STAM: variants seen among roughly 807,000 people sequenced by gnomAD.
STAM encodes the protein signal transducing adapter molecule 1.
In STAM, 16 loss-of-function variants were observed where a neutral mutation model predicts 63.4. The observed-to-expected ratio is 0.25, with a 90% CI of 0.17 to 0.38. The LOEUF is 0.38. Ranked by LOEUF, STAM falls within the 10% of genes least tolerant of loss-of-function variation. The pLI, the probability that STAM is intolerant of heterozygous loss-of-function variation, is 1.00. For synonymous variants in STAM, 238 were observed against 223.9 expected, an observed-to-expected ratio of 1.06 and a Z score of -0.56; for missense variants, 636 against 657.1, an observed-to-expected ratio of 0.97 and a Z score of 0.35.
chr10:17,715,267 T>C lies in STAM; in HGVS notation c.*487T>C. Reference sequence around the variant, plus strand: ...GTTTTGTGTAAATTTAAGGTAATTATACTATCCTTTTAAACTTCAAGAAAA... The same window carrying C: ...GTTTTGTGTAAATTTAAGGTAATTACACTATCCTTTTAAACTTCAAGAAAA... On this transcript the variant is annotated 3_prime_UTR_variant, in exon 14 of 14. Coordinates refer to ENST00000377524, the MANE Select transcript of STAM (RefSeq NM_003473.4). 6.0e-6 allele frequency: 1 copy of C among 167,158 alleles called. No individual in the cohort carries two copies. Among genetic ancestry groups the C allele is most frequent in the Admixed American group, 5.5e-5 (1 of 18,136 alleles). 10.4% of individuals were successfully genotyped at this position (167,158 alleles called of 1,614,324 possible).
intron 1 of STAM, among the ~76,000 whole-genome samples, chr10:17,658,435 G>A (rs1554822440): frequency 6.6e-6 from 1 of 152,110 alleles, no homozygotes; most frequent in Non-Finnish European, 1.5e-5. Flanking sequence ...GTCTATAAAT[G>A]TCAATTGTCA....
In STAM at chr10:17,700,208, A is replaced by T. The variant is rs781965771; in HGVS notation, c.841A>T (p.Thr281Ser). 3.7e-6 allele frequency: 6 copies of T among 1,608,186 alleles called. No homozygotes were observed. Among genetic ancestry groups the T allele is most frequent in the Non-Finnish European group, 5.1e-6 (6 of 1,177,606 alleles). Residue 281 changes from threonine (T) to serine (S), a missense_variant, in exon 9 of 14, where the codon ACG (threonine) becomes TCG (serine). Physicochemically the swap from Thr to Ser is moderately conservative, Grantham distance 58. Transcript: ENST00000377524. ...EPEMIKTEKKTVQFSDDVQVE... is the reference protein window; with the variant it reads ...EPEMIKTEKKSVQFSDDVQVE... The stretch of plus-strand genomic sequence containing the variant: ...TCTTACAGTTAAAACAGAGAAGAAG[A>T]CGGTACAATTTAGTGATGATGTTCA...
chr10:17,669,536 C>T (rs1834538405), intron 2 of STAM, among the ~76,000 whole-genome samples: 2 of 151,946 alleles, frequency 1.3e-5, no homozygotes, highest in Non-Finnish European at 2.9e-5. Flanking sequence ...GAGAACATAG[C>T]ATCTCTTTTT....
chr10:17,645,850 A>G (rs1271225443), intron 1 of STAM, among the ~76,000 whole-genome samples: 2 of 152,100 alleles, frequency 1.3e-5, no homozygotes, highest in African/African-American at 2.4e-5. Context: ...TCTAGGGGAA[A>G]TACTTAAAAC....
intron 2 of STAM, chr10:17,673,108 T>A: frequency 1.1e-6 from 1 of 871,932 alleles, no homozygotes; most frequent in Non-Finnish European, 1.4e-6. Flanking sequence ...GGTAGACTCT[T>A]CTAAGTGCAC....
chr10:17,696,401 C>G (rs1554827489), intron 7 of STAM, among the ~76,000 whole-genome samples: 1 of 151,998 alleles, frequency 6.6e-6, no homozygotes, highest in African/African-American at 2.4e-5. Context: ...CCAGAAAGAG[C>G]AATGATTTAG....
chr10:17,655,245 TC>T (rs1833892781), intron 1 of STAM, among the ~76,000 whole-genome samples: 1 of 152,218 alleles, frequency 6.6e-6, no homozygotes, highest in Non-Finnish European at 1.5e-5. Context: ...AGAAGGCTAT[TC>T]CATTTTGCTG....
chr10:17,691,473 T>G (rs561764850), intron 5 of STAM, among the ~76,000 whole-genome samples: 3 of 152,220 alleles, frequency 2.0e-5, no homozygotes, highest in Admixed American at 6.5e-5. Context: ...AGCCAAGATC[T>G]CGCCACTGTA....
chr10:17,699,376 T>C (rs1835893897), intron 8 of STAM, among the ~76,000 whole-genome samples: 3 of 152,226 alleles, frequency 2.0e-5, no homozygotes, highest in African/African-American at 7.2e-5. Context: ...ATGAATTGAT[T>C]GACCACATTG....
rs7902563 is a variant in STAM, at chr10:17,666,662, G to A, written c.125+6114G>A. On this transcript the variant is annotated intron_variant, in intron 2 of 13. Coordinates refer to ENST00000377524, the MANE Select transcript of STAM (RefSeq NM_003473.4). ...TCTGCCCGCCTTGGCCTCCCAAAGC[G>A]CTGGGATTACAGGCATGAGCCACCC... Among the ~76,000 whole-genome samples the A allele has an allele frequency of 3.7e-3, 566 of 152,232 alleles. 4 individuals are homozygous for A. Among genetic ancestry groups the A allele is most frequent in the African/African-American group, 0.013 (548 of 41,548 alleles).
intron 4 of STAM, 54 bp downstream of exon 4, chr10:17,684,981 T>C: frequency 6.9e-7 from 1 of 1,439,000 alleles, no homozygotes; most frequent in Non-Finnish European, 9.6e-7. Context: ...TCTTCACATA[T>C]TTTATTGTTT....
At chr10:17,701,541 C>T (rs1434207093) in intron 9 of STAM, among the ~76,000 whole-genome samples, 1 of 152,162 alleles carries the variant, frequency 6.6e-6, no homozygotes, top group East Asian at 1.9e-4. Flanking sequence ...TGAGTAGTAG[C>T]AACAGAGATC....
chr10:17,714,116 T>C (rs1434123385), intron 13 of STAM, among the ~76,000 whole-genome samples: 2 of 152,182 alleles, frequency 1.3e-5, no homozygotes, highest in Non-Finnish European at 2.9e-5. Context: ...ACATCTTTGC[T>C]TAAGTATTGC....
intron 2 of STAM, among the ~76,000 whole-genome samples, chr10:17,666,616 C>G (rs868922199): frequency 1.3e-5 from 2 of 151,990 alleles, no homozygotes; most frequent in African/African-American, 4.8e-5. Context: ...CCAGGATGGT[C>G]TCGATATCCT....
rs189038085 is a variant in STAM at position 17,668,311 on chromosome 10, A to G, written c.125+7763A>G. Among the ~76,000 whole-genome samples, 17 of 152,344 alleles carry G rather than the reference A, an allele frequency of 1.1e-4. No homozygotes were observed. The East Asian group carries it at 3.1e-3, about 28-fold the overall frequency. On this transcript the variant is annotated intron_variant, in intron 2 of 13. Coordinates refer to ENST00000377524, the MANE Select transcript of STAM (RefSeq NM_003473.4). ...TGGAAGAGGCAAGGGAAATGAATGC[A>G]CATTGCTTAGCATAATGCATATTGA...
At position 17,693,262 on chromosome 10, in the gene STAM, A is replaced by G. The variant is rs1324300905; in HGVS notation, c.485A>G (p.Lys162Arg). ...AAAGCAAGCCCAGCTCTTGTAGCCA[A>G]GGATCCTGGTACTGTGGCTAACAAA... ...QAKASPALVAKDPGTVANKKE... is the reference protein window; with the variant it reads ...QAKASPALVARDPGTVANKKE... The change falls in exon 6 of 14, where the codon AAG (lysine) becomes AGG (arginine). Residue 162 changes from lysine to arginine, a missense_variant. Transcript: ENST00000377524. 1 of 1,613,606 alleles carries G rather than the reference A, an allele frequency of 6.2e-7. No homozygotes were observed. Among genetic ancestry groups the G allele is most frequent in the Non-Finnish European group, 8.5e-7 (1 of 1,179,890 alleles).
intron 2 of STAM, among the ~76,000 whole-genome samples, chr10:17,677,237 C>A (rs1480305636): frequency 6.6e-6 from 1 of 152,080 alleles, no homozygotes; most frequent in Non-Finnish European, 1.5e-5. Flanking sequence ...GGAATAGTTT[C>A]ATTTCAACAC....
At position 17,665,424 on chromosome 10, in the gene STAM, A is replaced by G. The variant is rs575323132; in HGVS notation, c.125+4876A>G. The stretch of plus-strand genomic sequence containing the variant: ...CTTCTATAAGTTACCACTTACGTAA[A>G]TTTTGTATCTTTCCATTCTTTTACA... On this transcript the variant is annotated intron_variant, in intron 2 of 13. Transcript: ENST00000377524. Among the ~76,000 whole-genome samples the G allele has an allele frequency of 4.5e-3, 686 of 152,174 alleles. 5 individuals carry two copies. Among genetic ancestry groups the G allele is most frequent in the Middle Eastern group, 0.014 (4 of 294 alleles).
chr10:17,688,806 G>T (rs189944493), intron 5 of STAM, among the ~76,000 whole-genome samples: 1 of 152,202 alleles, frequency 6.6e-6, no homozygotes, highest in East Asian at 1.9e-4. Flanking sequence ...TATTAATTAG[G>T]TAACACTGTC....
Sources: gnomAD v4.1 joint callset for allele counts (sites outside exome capture counted in the v4.1 genomes callset) on GRCh38, gnomAD v4.1.1 for gene constraint, MANE v1.5 for transcripts, NCBI Gene and HGNC (gene_info 2026-07-23, HGNC 2026-07-21) for gene names.